USP12: variants seen among roughly 807,000 people sequenced by gnomAD.
USP12 encodes ubiquitin specific peptidase 12.
A neutral mutation model predicts 45.5 loss-of-function variants in USP12; 19 were observed. The observed-to-expected ratio is 0.42, with a 90% CI of 0.29 to 0.61. The LOEUF is 0.61. USP12 is among the 20% of genes least tolerant of loss of function. USP12 has a pLI of 0.22. For missense variants in USP12, 242 were observed against 447.7 expected (o/e 0.54, Z 4.15); for synonymous variants, 149 against 148.8 (o/e 1.00, Z -0.01).
At chr13:27,079,447 T>C (rs1873648159) in intron 6 of USP12, among the ~76,000 whole-genome samples, 1 of 152,224 alleles carries the variant, frequency 6.6e-6, no homozygotes, top group Admixed American at 6.5e-5. Context: ...CCTTCTCCAG[T>C]AGCCCAAGGG....
chr13:27,070,226 C>T (rs535831513), intron 8 of USP12, among the ~76,000 whole-genome samples: 2 of 152,118 alleles, frequency 1.3e-5, no homozygotes, highest in African/African-American at 4.8e-5. Context: ...TATGTGAGTC[C>T]ATTTATATTC....
At chr13:27,086,160 A>AGT (rs1186971065) in intron 6 of USP12, among the ~76,000 whole-genome samples, 1 of 117,904 alleles carries the variant, frequency 8.5e-6, no homozygotes, top group Non-Finnish European at 1.8e-5. Context: ...ACAGAGAGAG[A>AGT]TCTTTTGTCT....
intron 1 of USP12, among the ~76,000 whole-genome samples, chr13:27,131,021 TAAC>T (rs898286388): frequency 6.6e-6 from 1 of 152,178 alleles, no homozygotes; most frequent in Admixed American, 6.5e-5. Flanking sequence ...GCTATAGAAA[TAAC>T]AAGAGCTGAA....
chr13:27,145,493 T>C (rs1334312335), intron 1 of USP12, among the ~76,000 whole-genome samples: 3 of 152,220 alleles, frequency 2.0e-5, no homozygotes, highest in Non-Finnish European at 4.4e-5. Context: ...TATTCCAGGT[T>C]AGTAGCTTTT....
intron 6 of USP12, 141 bp downstream of exon 6, chr13:27,089,742 C>A (rs1167939720): frequency 1.3e-6 from 1 of 743,628 alleles, no homozygotes; most frequent in East Asian, 2.7e-5. Context: ...CCTAGTAATA[C>A]TTAATGAACA....
At position 27,066,377 on chromosome 13, in the gene USP12, C is replaced by T. The variant is rs7655; in HGVS notation, c.*2906G>A. On this transcript the variant is annotated 3_prime_UTR_variant, in exon 9 of 9. Coordinates refer to ENST00000282344, the MANE Select transcript of USP12 (RefSeq NM_182488.4). The stretch of plus-strand genomic sequence containing the variant: ...ATTCACTGAAGAGCCAGGACATGAG[C>T]GCTTTAGCCTCCCAGCTCCCAGCCA... The T allele has an allele frequency of 0.055, 8,306 of 152,218 alleles. 253 individuals are homozygous for T. The highest frequency in any genetic ancestry group is 0.079 in the Admixed American group (1,212 of 15,290). The allele number at this position is 152,218 out of a possible 1,614,324, so 9.4% of individuals were successfully genotyped here. A position where few individuals can be genotyped will look rare whatever the true frequency, so the allele number is the denominator to read the frequency against.
At chr13:27,161,683 C>A (rs1878112875) in intron 1 of USP12, among the ~76,000 whole-genome samples, 1 of 151,966 alleles carries the variant, frequency 6.6e-6, no homozygotes, top group African/African-American at 2.4e-5. Context: ...CCAGCCTGGG[C>A]AACATGGTGA....
intron 4 of USP12, among the ~76,000 whole-genome samples, chr13:27,094,258 C>T (rs1248322440): frequency 6.6e-6 from 1 of 151,470 alleles, no homozygotes; most frequent in African/African-American, 2.4e-5. Flanking sequence ...AATCCCAACA[C>T]TCTGGGAGGC....
chr13:27,091,075 TG>T (rs1874289766), intron 4 of USP12, among the ~76,000 whole-genome samples: 1 of 152,064 alleles, frequency 6.6e-6, no homozygotes, highest in Admixed American at 6.5e-5. Context: ...CACTGTACGA[TG>T]GAAGATACAG....
intron 4 of USP12, among the ~76,000 whole-genome samples, chr13:27,094,894 TC>T (rs1376564857): frequency 6.6e-6 from 1 of 152,132 alleles, no homozygotes; most frequent in Non-Finnish European, 1.5e-5. Context: ...ACACCTGTAA[TC>T]CCAGAACTTT....
chr13:27,118,468 A>C (rs940065671), intron 1 of USP12, among the ~76,000 whole-genome samples: 3 of 152,184 alleles, frequency 2.0e-5, no homozygotes, highest in African/African-American at 7.2e-5. Flanking sequence ...ACAATACCAA[A>C]TTCAATTATT....
intron 2 of USP12, 47 bp downstream of exon 2, chr13:27,116,469 A>T: frequency 6.3e-7 from 1 of 1,580,704 alleles, no homozygotes; most frequent in East Asian, 2.3e-5. Context: ...ATCGTTTTTA[A>T]AACTGCTTCC....
intron 1 of USP12, among the ~76,000 whole-genome samples, chr13:27,135,564 A>G (rs1038059234): frequency 3.3e-5 from 5 of 151,678 alleles, no homozygotes; most frequent in Admixed American, 1.3e-4. Flanking sequence ...AATCCAAAAA[A>G]CTTAGCCGGG....
chr13:27,171,591 C>A lies in USP12; in HGVS notation c.48+1G>T. 1 of 1,272,002 alleles carries A rather than the reference C, an allele frequency of 7.9e-7. No homozygotes were observed. 78.8% of individuals were successfully genotyped at this position (1,272,002 alleles called of 1,614,324 possible). A position where few individuals can be genotyped will look rare whatever the true frequency, so the allele number is the denominator to read the frequency against. ...CCGGCCGCCCGCTCGCCGCCACCTA[C>A]CATGGTACAGATGGAGGCGAATTTG... On this transcript the variant is annotated splice_donor_variant, in intron 1 of 8. Transcript: ENST00000282344. LOFTEE classifies it high-confidence loss of function.
chr13:27,122,859 C>T (rs1013749009), intron 1 of USP12, among the ~76,000 whole-genome samples: 9 of 151,704 alleles, frequency 5.9e-5, no homozygotes, highest in African/African-American at 1.7e-4. Flanking sequence ...TTTGGGAGGC[C>T]GAGGCAGGCA....
Position 27,094,480 on chromosome 13 carries a change from C to T in USP12, c.573+1121G>A, listed in dbSNP as rs9507840. 2.4e-4 allele frequency among the ~76,000 whole-genome samples: 36 copies of T among 151,942 alleles called. 1 individual carries two copies. Among genetic ancestry groups the T allele is most frequent in the Admixed American group, 1.5e-3 (23 of 15,260 alleles). On this transcript the variant is annotated intron_variant, in intron 4 of 8. Coordinates refer to ENST00000282344, the MANE Select transcript of USP12 (RefSeq NM_182488.4). ...CAGTGTCACTGCACTAAAGCCTGGGCGACAGAGCAAGAACCTGTCTCCAAA... is the reference window on the plus strand; with the variant it reads ...CAGTGTCACTGCACTAAAGCCTGGGTGACAGAGCAAGAACCTGTCTCCAAA...
At chr13:27,143,582 C>A (rs953532325) in intron 1 of USP12, among the ~76,000 whole-genome samples, 3 of 152,152 alleles carry the variant, frequency 2.0e-5, no homozygotes, top group African/African-American at 7.2e-5. Context: ...CCTCAGATTA[C>A]ATGGTAATCT....
chr13:27,152,438 A>T (rs1226378496), intron 1 of USP12, among the ~76,000 whole-genome samples: 5 of 152,170 alleles, frequency 3.3e-5, no homozygotes, highest in Non-Finnish European at 7.3e-5. Context: ...ATAAACACAT[A>T]AAGTAAATCA....
intron 7 of USP12, among the ~76,000 whole-genome samples, chr13:27,074,864 T>C (rs540811067): frequency 6.6e-6 from 1 of 152,126 alleles, no homozygotes; most frequent in African/African-American, 2.4e-5. Context: ...GCAATTAAAC[T>C]CAGAAGTGAT....
Sources: allele counts gnomAD v4.1 joint callset (sites outside exome capture counted in the v4.1 genomes callset), GRCh38; gene constraint gnomAD v4.1.1; transcripts MANE v1.5; gene names NCBI Gene and HGNC (gene_info 2026-07-23, HGNC 2026-07-21).